Variants in FBXL19 observed in about 807,000 individuals in gnomAD.
The protein encoded by FBXL19 is F-box/LRR-repeat protein 19.
FBXL19 carries 16 observed loss-of-function variants against 71.2 expected under a neutral mutation model. The ratio of observed to expected loss-of-function variants is 0.22; its 90% confidence interval spans 0.15 to 0.34. FBXL19 has a LOEUF of 0.34. FBXL19 is among the 10% of genes least tolerant of loss of function. The pLI is 1.00. For synonymous variants in FBXL19, 447 were observed against 409.4 expected, an observed-to-expected ratio of 1.09 and a Z score of -1.11; for missense variants, 658 against 968.2, an observed-to-expected ratio of 0.68 and a Z score of 4.25.
rs2055580623 is a variant in FBXL19, at chr16:30,925,514, G to A, written c.-24-217G>A. On this transcript the variant is annotated intron_variant, in intron 1 of 10. Coordinates refer to ENST00000338343, the MANE Select transcript of FBXL19 (RefSeq NM_001382779.1). The surrounding 1 kb of genome is among the most constrained non-coding windows in gnomAD (Gnocchi z 5.0). ...GACCCTGAGGAGGCGGTAGAGGAGC[G>A]AGGCCAGGAAGCAGTTCTTGGGCTC... 2.2e-6 allele frequency: 1 copy of A among 453,880 alleles called. No individual in the cohort carries two copies. Among genetic ancestry groups the A allele is most frequent in the Non-Finnish European group, 3.8e-6 (1 of 266,146 alleles). 28.1% of individuals were successfully genotyped at this position (453,880 alleles called of 1,614,324 possible). A position where few individuals can be genotyped will look rare whatever the true frequency, so the allele number is the denominator to read the frequency against.
upstream of FBXL19, chr16:30,923,147 C>T (rs746141195): frequency 1.5e-5 from 7 of 456,562 alleles, no homozygotes; most frequent in Non-Finnish European, 3.1e-5. Context: ...CTGCGACTCC[C>T]GTCAGGTACC....
chr16:30,923,036 T>A (rs893839296), upstream of FBXL19: 5 of 456,882 alleles, frequency 1.1e-5, no homozygotes, highest in Admixed American at 9.4e-5. Flanking sequence ...ACTAGTCAGG[T>A]GTATGTCCCT....
intron 3 of FBXL19, 29 bp from the exon 4 acceptor site, chr16:30,927,544 C>T (rs1343012574): frequency 2.6e-6 from 4 of 1,554,398 alleles, no homozygotes; most frequent in Non-Finnish European, 3.5e-6. Flanking sequence ...TCCTGGCCAA[C>T]CCCCCACTCA....
At chr16:30,932,660 C>CA (rs1185175353) in intron 7 of FBXL19, among the ~76,000 whole-genome samples, 9 of 151,966 alleles carry the variant, frequency 5.9e-5, no homozygotes, top group Non-Finnish European at 1.2e-4. Flanking sequence ...GTGATTCCTA[C>CA]AAAGCCCGCA....
In FBXL19 at chr16:30,930,324, T is replaced by C. The variant is rs775228441; in HGVS notation, c.1041T>C (p.Arg347=). The C allele has an allele frequency of 2.7e-5, 44 of 1,604,000 alleles. No individual in the cohort carries two copies. The highest frequency in any genetic ancestry group is 3.3e-5 in the Non-Finnish European group (39 of 1,175,374). Residue 347 remains arginine, a synonymous_variant, in exon 7 of 11, where the codon CGT becomes CGC. Transcript: ENST00000338343. The surrounding 1 kb of genome is among the most constrained non-coding windows in gnomAD (Gnocchi z 8.5). ...GCAGCTCTGGCGAGAAGGAGAACCG[T>C]GGGGGGCGGCGGGCTGTGCGCCCTG... ...ARGSSGEKEN[R]GGRRAVRPGS... is the part of the protein sequence containing the mutation.
Position 30,925,796 on chromosome 16 carries a change from A to C in FBXL19, c.42A>C (p.Arg14=). 1 of 1,494,050 alleles carries C rather than the reference A, an allele frequency of 6.7e-7. No individual in the cohort carries two copies. The highest frequency in any genetic ancestry group is 8.9e-7 in the Non-Finnish European group (1 of 1,124,842). 92.5% of individuals were successfully genotyped at this position (1,494,050 alleles called of 1,614,324 possible). A position where few individuals can be genotyped will look rare whatever the true frequency, so the allele number is the denominator to read the frequency against. Residue 14 remains arginine, a synonymous_variant, in exon 2 of 11, where the codon CGA becomes CGC. Transcript: ENST00000338343. The surrounding 1 kb of genome is among the most constrained non-coding windows in gnomAD (Gnocchi z 5.0). ...SSRGPGAGAR[R]RRTRCRRCRA... Reference sequence around the variant, plus strand: ...GGGGGCCGGGGGCCGGAGCGCGCCGACGCCGAACCCGCTGCCGCCGCTGCC... The same window carrying C: ...GGGGGCCGGGGGCCGGAGCGCGCCGCCGCCGAACCCGCTGCCGCCGCTGCC...
chr16:30,927,125 G>T (rs1366959898), intron 2 of FBXL19, among the ~76,000 whole-genome samples, 183 bp from the exon 3 acceptor site: 1 of 152,220 alleles, frequency 6.6e-6, no homozygotes, highest in African/African-American at 2.4e-5. Context: ...CAGAAACGGA[G>T]ACTTAAGGAG....
In FBXL19 at chr16:30,925,110, G is replaced by GGA. The variant is rs1266935515; in HGVS notation, c.-24-619_-24-618dup. ...ATCTCCAGGGCTGTCAGAGCTCTGG[G>GGA]GAGTTAGTGGGCAGAGGAGATCGTT... is the stretch of plus-strand genomic sequence containing the variant. On this transcript the variant is annotated intron_variant, in intron 1 of 10. Transcript: ENST00000338343. The surrounding 1 kb of genome is among the most constrained non-coding windows in gnomAD (Gnocchi z 5.0). Among the ~76,000 whole-genome samples the GGA allele has an allele frequency of 1.3e-5, 2 of 152,176 alleles. No homozygotes were observed. The highest frequency in any genetic ancestry group is 4.8e-5 in the African/African-American group (2 of 41,432).
At chr16:30,926,555 A>C (rs2055593376) in intron 2 of FBXL19, among the ~76,000 whole-genome samples, 1 of 151,862 alleles carries the variant, frequency 6.6e-6, no homozygotes, top group African/African-American at 2.4e-5. Flanking sequence ...CCTCCCCAGC[A>C]GCCGCGAGGA....
At position 30,942,753 on chromosome 16, in the gene FBXL19, G is replaced by A. The variant is rs1219981095; in HGVS notation, c.1627+217G>A. 6.6e-6 allele frequency among the ~76,000 whole-genome samples: 1 copy of A among 152,252 alleles called. No individual in the cohort carries two copies. The highest frequency in any genetic ancestry group is 1.9e-4 in the East Asian group (1 of 5,204). On this transcript the variant is annotated intron_variant, in intron 9 of 10. Coordinates refer to ENST00000338343, the MANE Select transcript of FBXL19 (RefSeq NM_001382779.1). The surrounding 1 kb of genome is among the most constrained non-coding windows in gnomAD (Gnocchi z 5.7). ...TCTTGAAAGGAACAGGGTTTTCCCA[G>A]GGAGTGTGAGACTCAGCAGTTTGGT...
chr16:30,931,248 C>T (rs2055670260), intron 7 of FBXL19, among the ~76,000 whole-genome samples: 1 of 152,130 alleles, frequency 6.6e-6, no homozygotes, highest in African/African-American at 2.4e-5. Context: ...CTCCTCCTCT[C>T]TATGAAACTC....
At position 30,946,475 on chromosome 16, in the gene FBXL19, G is replaced by A. The variant is rs2055859566; in HGVS notation, c.1628-255G>A. Reference sequence around the variant, plus strand: ...CTGCCTCGGCTTCCCAAAGTGCTAGGATTACAGGCATGAGCCACCACGCCT... The same window carrying A: ...CTGCCTCGGCTTCCCAAAGTGCTAGAATTACAGGCATGAGCCACCACGCCT... On this transcript the variant is annotated intron_variant, in intron 9 of 10. Transcript: ENST00000338343. This position sits in a 1 kb window ranked among gnomAD's most constrained non-coding sequence, Gnocchi z 6.7. 6.6e-6 allele frequency among the ~76,000 whole-genome samples: 1 copy of A among 152,222 alleles called. No individual in the cohort carries two copies. Among genetic ancestry groups the A allele is most frequent in the Admixed American group, 6.5e-5 (1 of 15,284 alleles).
At chr16:30,928,012 G>A in intron 5 of FBXL19, 49 bp downstream of exon 5, 1 of 1,284,880 alleles carries the variant, frequency 7.8e-7, no homozygotes, top group Non-Finnish European at 1.1e-6. Flanking sequence ...AATTCTGGGA[G>A]CTGTAGTCCT....
intron 7 of FBXL19, among the ~76,000 whole-genome samples, chr16:30,939,746 G>GA (rs1375127225): frequency 6.6e-6 from 1 of 152,058 alleles, no homozygotes; most frequent in Non-Finnish European, 1.5e-5. Flanking sequence ...GCAAAGAGGA[G>GA]ATGATTCAAA....
At chr16:30,944,513 C>T (rs1315413645) in intron 9 of FBXL19, among the ~76,000 whole-genome samples, 1 of 152,106 alleles carries the variant, frequency 6.6e-6, no homozygotes, top group Non-Finnish European at 1.5e-5. Context: ...CTGTAAAGGA[C>T]ATGATCTTGT....
At chr16:30,944,555 G>A (rs2055838716) in intron 9 of FBXL19, among the ~76,000 whole-genome samples, 1 of 152,122 alleles carries the variant, frequency 6.6e-6, no homozygotes, top group South Asian at 2.1e-4. Flanking sequence ...ATTCCATGGT[G>A]TATATGTACC....
In FBXL19 at chr16:30,927,802, T is replaced by A. The variant is rs749574753; in HGVS notation, c.466T>A (p.Leu156Met). ...CGACAACGGCGAGGAGGGCGCCAGC[T>A]TGGGGAGCGGATGGAAGCTGACAGA... ...RADNGEEGAS[L>M]GSGWKLTEEP... Residue 156 changes from leucine (L) to methionine (M), a missense_variant, in exon 5 of 11, where the codon TTG (leucine) becomes ATG (methionine). Coordinates refer to ENST00000338343, the MANE Select transcript of FBXL19 (RefSeq NM_001382779.1). 35 of 1,552,284 alleles carry A rather than the reference T, an allele frequency of 2.3e-5. 1 individual carries two copies. Among genetic ancestry groups the A allele is most frequent in the Non-Finnish European group, 2.8e-5 (32 of 1,148,632 alleles).
chr16:30,937,787 A>G (rs1479305205), intron 7 of FBXL19, among the ~76,000 whole-genome samples: 1 of 152,100 alleles, frequency 6.6e-6, no homozygotes, highest in Non-Finnish European at 1.5e-5. Flanking sequence ...GGAGTATGAT[A>G]CAGAAACACA....
In FBXL19 at chr16:30,930,117, G is replaced by T. The variant is rs771156225; in HGVS notation, c.834G>T (p.Pro278=). 1.2e-6 allele frequency: 2 copies of T among 1,613,536 alleles called. No homozygotes were observed. The highest frequency in any genetic ancestry group is 1.7e-5 in the Admixed American group (1 of 60,030). Reference sequence around the variant, plus strand: ...CCTCTGCAGAGGGCCCAGCGGTGCCGTCCCCGTCCCCGCAGAGGGAGAAGC... The same window carrying T: ...CCTCTGCAGAGGGCCCAGCGGTGCCTTCCCCGTCCCCGCAGAGGGAGAAGC... ...PLASAEGPAV[P]SPSPQREKLE... is the part of the protein sequence containing the mutation. The change falls in exon 7 of 11, where the codon CCG becomes CCT. Residue 278 remains proline, a synonymous_variant. Coordinates refer to ENST00000338343, the MANE Select transcript of FBXL19 (RefSeq NM_001382779.1). The surrounding 1 kb of genome is among the most constrained non-coding windows in gnomAD (Gnocchi z 8.5).
Sources: gnomAD v4.1 joint callset for allele counts (sites outside exome capture counted in the v4.1 genomes callset) on GRCh38, gnomAD v4.1.1 for gene constraint, Gnocchi (gnomAD v3.1) non-coding constraint, MANE v1.5 for transcripts, NCBI Gene and HGNC (gene_info 2026-07-23, HGNC 2026-07-21) for gene names.